Variants in JCAD observed in about 807,000 individuals in gnomAD.
The protein encoded by JCAD is junctional cadherin 5 associated.
A neutral mutation model predicts 98.0 loss-of-function variants in JCAD; 40 were observed. The ratio of observed to expected loss-of-function variants is 0.41; its 90% confidence interval spans 0.32 to 0.53. The LOEUF is 0.53. JCAD is among the 20% of genes least tolerant of loss of function. The pLI, the probability that JCAD is intolerant of heterozygous loss-of-function variation, is 0.31. For synonymous variants in JCAD, 691 were observed against 682.3 expected (o/e 1.01, Z -0.20); for missense variants, 1,705 against 1,738.1 (o/e 0.98, Z 0.34).
intron 1 of JCAD, among the ~76,000 whole-genome samples, chr10:30,092,701 C>T (rs761367855): frequency 3.3e-5 from 5 of 152,102 alleles, no homozygotes; most frequent in Non-Finnish European, 7.3e-5. Context: ...CTTTAACGTT[C>T]CCAGCTTTGA....
Position 30,029,699 on chromosome 10 carries a change from C to T in JCAD, c.449G>A (p.Arg150Lys), listed in dbSNP as rs373963529. ...TCCTCCAACTTCCCATGGACCCTCC[C>T]TCACGTGGACAGGCAGGCTGTGGGC... The part of the protein sequence containing the change: ...AQAHSLPVHV[R>K]EGPWEVGGRS... The change falls in exon 3 of 4, where the codon AGG (arginine) becomes AAG (lysine). Residue 150 changes from arginine to lysine, a missense_variant. Arg to Lys is a conservative substitution (Grantham distance 26). Around this residue, in one of 3 missense-constraint regions of JCAD, gnomAD observed 275 missense variants for 346.9 expected, o/e 0.79. Coordinates refer to ENST00000375377, the MANE Select transcript of JCAD (RefSeq NM_020848.4). The T allele has an allele frequency of 6.2e-7, 1 of 1,614,270 alleles. No individual in the cohort carries two copies. Among genetic ancestry groups the T allele is most frequent in the Non-Finnish European group, 8.5e-7 (1 of 1,180,048 alleles).
intron 1 of JCAD, among the ~76,000 whole-genome samples, chr10:30,052,877 T>C (rs1837497270): frequency 6.6e-6 from 1 of 152,190 alleles, no homozygotes; most frequent in African/African-American, 2.4e-5. Flanking sequence ...TTTCCATTTA[T>C]AAAAATAAGC....
At chr10:30,078,916 G>T (rs1253104383) in intron 1 of JCAD, among the ~76,000 whole-genome samples, 1 of 152,158 alleles carries the variant, frequency 6.6e-6, no homozygotes, top group Non-Finnish European at 1.5e-5. Context: ...TGCCCTTGAA[G>T]CTGGGAGCTT....
In JCAD at chr10:30,026,726, G is replaced by C. The variant is rs1317074107; in HGVS notation, c.3422C>G (p.Ser1141Cys). 5.6e-6 allele frequency: 9 copies of C among 1,614,128 alleles called. No individual in the cohort carries two copies. Among genetic ancestry groups the C allele is most frequent in the Non-Finnish European group, 6.8e-6 (8 of 1,180,018 alleles). Residue 1141 changes from serine to cysteine, a missense_variant, in exon 3 of 4, where the codon TCC (serine) becomes TGC (cysteine). Ser to Cys is a moderately radical substitution (Grantham distance 112). Transcript: ENST00000375377. ...CCTCCTGCCATAAAAGGCATCAGTGGACACCCTGGGGACATCTGCCGGTGC... is the reference window on the plus strand; with the variant it reads ...CCTCCTGCCATAAAAGGCATCAGTGCACACCCTGGGGACATCTGCCGGTGC... ...RPAPADVPRV[S>C]TDAFYGRRKC...
intron 1 of JCAD, among the ~76,000 whole-genome samples, chr10:30,078,453 C>T (rs376823871): frequency 5.3e-5 from 8 of 152,150 alleles, no homozygotes; most frequent in African/African-American, 1.9e-4. Context: ...CAGAGAACTG[C>T]CATTTAGTGC....
chr10:30,047,101 G>A (rs921491189), intron 2 of JCAD, among the ~76,000 whole-genome samples: 9 of 152,102 alleles, frequency 5.9e-5, no homozygotes, highest in African/African-American at 1.4e-4. Context: ...AAAGGTGGCC[G>A]GGTGCAGTGG....
intron 1 of JCAD, among the ~76,000 whole-genome samples, chr10:30,107,193 G>A (rs1434096986): frequency 6.6e-6 from 1 of 152,040 alleles, no homozygotes; most frequent in African/African-American, 2.4e-5. Context: ...GGACCTACTC[G>A]GCTGCATTTC....
chr10:30,048,577 T>G lies in JCAD; in HGVS notation c.-59-706A>C, dbSNP rs539417793. Among the ~76,000 whole-genome samples, 181 of 152,292 alleles carry G rather than the reference T, an allele frequency of 1.2e-3. 6 individuals are homozygous for G. The South Asian group carries it at 0.037, about 31-fold the overall frequency. ...CTCTTTTCCTTATGAAAGTCTTTTT[T>G]TTTTTGAGATAGAGTTTCACTCTTG... On this transcript the variant is annotated intron_variant, in intron 1 of 3. Coordinates refer to ENST00000375377, the MANE Select transcript of JCAD (RefSeq NM_020848.4).
chr10:30,024,869 G>A (rs568193102), intron 3 of JCAD, among the ~76,000 whole-genome samples: 61 of 151,882 alleles, frequency 4.0e-4, no homozygotes, highest in Middle Eastern at 6.8e-3. Flanking sequence ...CTAATTTTTT[G>A]TATTTTCAGT....
intron 1 of JCAD, among the ~76,000 whole-genome samples, chr10:30,106,744 G>T (rs1221338801): frequency 6.6e-6 from 1 of 152,134 alleles, no homozygotes; most frequent in East Asian, 1.9e-4. Flanking sequence ...CAGGTGATCT[G>T]CCCACCTCAG....
At chr10:30,113,438 C>T (rs1444039435) in intron 1 of JCAD, among the ~76,000 whole-genome samples, 1 of 149,646 alleles carries the variant, frequency 6.7e-6, no homozygotes, top group Admixed American at 6.8e-5. Flanking sequence ...GTAATCCCAG[C>T]TACTTGGGAG....
At chr10:30,049,515 T>C (rs548514147) in intron 1 of JCAD, among the ~76,000 whole-genome samples, 7 of 152,288 alleles carry the variant, frequency 4.6e-5, no homozygotes, top group East Asian at 1.9e-4. Context: ...ACTTTGGAAG[T>C]TGATAATTTT....
At chr10:30,052,267 T>C (rs1424193100) in intron 1 of JCAD, among the ~76,000 whole-genome samples, 3 of 152,194 alleles carry the variant, frequency 2.0e-5, no homozygotes, top group Non-Finnish European at 4.4e-5. Flanking sequence ...CCTGAGTCAC[T>C]GCACAGGAGG....
At chr10:30,051,263 C>A (rs186487072) in intron 1 of JCAD, among the ~76,000 whole-genome samples, 13 of 134,974 alleles carry the variant, frequency 9.6e-5, no homozygotes, top group Admixed American at 9.0e-4. Flanking sequence ...ACCACACGCA[C>A]ACACGCACGC....
chr10:30,089,955 G>A (rs748437418), intron 1 of JCAD, among the ~76,000 whole-genome samples: 9 of 152,174 alleles, frequency 5.9e-5, no homozygotes, highest in Non-Finnish European at 1.3e-4. Context: ...TGGTCAAAAA[G>A]AATGTGTGTG....
chr10:30,051,828 G>T (rs1388542501), intron 1 of JCAD, among the ~76,000 whole-genome samples: 1 of 152,186 alleles, frequency 6.6e-6, no homozygotes, highest in African/African-American at 2.4e-5. Context: ...TTCAGGAGAA[G>T]AAGTACAATG....
At chr10:30,061,317 C>A (rs188741283), upstream of JCAD, among the ~76,000 whole-genome samples, 2 of 152,046 alleles carry the variant, frequency 1.3e-5, no homozygotes, top group African/African-American at 2.4e-5. Context: ...ACAAGGCAGG[C>A]GGATCACCGG....
chr10:30,027,792 C>G lies in JCAD; in HGVS notation c.2356G>C (p.Val786Leu). The change falls in exon 3 of 4, where the codon GTG becomes CTG. Residue 786 changes from valine to leucine, a missense_variant. Transcript: ENST00000375377. ...TPKAGRSQPC[V>L]DVHGLGAHPG... ...TGGGCTCCAAGCCCGTGGACATCCA[C>G]GCAGGGCTGACTTCGGCCTGCTTTT... 3 of 1,614,246 alleles carry G rather than the reference C, an allele frequency of 1.9e-6. No individual in the cohort carries two copies. Among genetic ancestry groups the G allele is most frequent in the Non-Finnish European group, 2.5e-6 (3 of 1,180,036 alleles).
chr10:30,052,776 A>C (rs1240142989), intron 1 of JCAD, among the ~76,000 whole-genome samples: 2 of 152,220 alleles, frequency 1.3e-5, no homozygotes, highest in East Asian at 3.8e-4. Flanking sequence ...GCTATGGTCT[A>C]GGTGGTATTA....
Sources: allele counts gnomAD v4.1 joint callset (sites outside exome capture counted in the v4.1 genomes callset), GRCh38; gene constraint gnomAD v4.1.1; regional missense constraint gnomAD v4.1.1; transcripts MANE v1.5; gene names NCBI Gene and HGNC (gene_info 2026-07-23, HGNC 2026-07-21).